The following MAP4 variants were observed in gnomAD, a reference collection of about 807,000 sequenced individuals.
MAP4 encodes microtubule associated protein 4.
MAP4 carries 76 observed loss-of-function variants against 170.2 expected under a neutral mutation model. The observed-to-expected ratio is 0.45, with a 90% CI of 0.37 to 0.54. The LOEUF (loss-of-function observed/expected upper bound fraction) is 0.54. MAP4 is among the 20% of genes least tolerant of loss of function. The pLI, the probability that MAP4 is intolerant of heterozygous loss-of-function variation, is 0.00. For missense variants in MAP4, 2,506 were observed against 2,748.0 expected (o/e 0.91, Z 1.97); for synonymous variants, 909 against 994.5 (o/e 0.91, Z 1.62).
At position 47,910,857 on chromosome 3, in the gene MAP4, C is replaced by G; in HGVS notation, c.3564G>C (p.Gln1188His). The change falls in exon 9 of 21, where the codon CAG (glutamine) becomes CAC (histidine). Residue 1188 changes from glutamine to histidine, a missense_variant. This residue lies in a region of MAP4 where 2,008 missense variants were observed against 2,206.0 expected (regional missense o/e 0.91). Transcript: ENST00000683076. Reference sequence around the variant, plus strand: ...TCCATGGACACCTTCCTTCCTTGCTCTGGTTATTGACACCCATATCTTTGA... The same window carrying G: ...TCCATGGACACCTTCCTTCCTTGCTGTGGTTATTGACACCCATATCTTTGA... ...DVVKDMGVNN[Q>H]SKEGRCPWKD... The G allele has an allele frequency of 6.5e-7, 1 of 1,536,148 alleles. No homozygotes were observed. The highest frequency in any genetic ancestry group is 8.7e-7 in the Non-Finnish European group (1 of 1,146,920).
intron 17 of MAP4, among the ~76,000 whole-genome samples, chr3:47,858,954 C>T (rs2061306093): frequency 6.6e-6 from 1 of 152,004 alleles, no homozygotes; most frequent in South Asian, 2.1e-4. Flanking sequence ...TGGTGAAACC[C>T]CGTCTCTACT....
At chr3:47,897,529 A>G (rs1054536297) in intron 10 of MAP4, among the ~76,000 whole-genome samples, 1 of 152,180 alleles carries the variant, frequency 6.6e-6, no homozygotes, top group African/African-American at 2.4e-5. Flanking sequence ...AATACACAGT[A>G]TGCATACACA....
intron 16 of MAP4, among the ~76,000 whole-genome samples, chr3:47,868,594 G>A (rs1226148582): frequency 6.6e-6 from 1 of 152,182 alleles, no homozygotes; most frequent in Non-Finnish European, 1.5e-5. Context: ...CACTCAGGAG[G>A]GGCCTGGTTT....
chr3:48,028,663 C>T (rs2154507708), intron 1 of MAP4, among the ~76,000 whole-genome samples: 1 of 151,438 alleles, frequency 6.6e-6, no homozygotes, highest in Middle Eastern at 3.4e-3. Flanking sequence ...GTCCCAATTA[C>T]TCAGGAGGCT....
At chr3:47,975,792 CTT>C (rs146740524) in intron 3 of MAP4, among the ~76,000 whole-genome samples, 8 of 142,968 alleles carry the variant, frequency 5.6e-5, no homozygotes, top group Admixed American at 1.4e-4. Context: ...AGTAAAGTAT[CTT>C]TTTTTTTTTT....
chr3:47,999,663 T>C (rs982506473), intron 1 of MAP4, among the ~76,000 whole-genome samples: 3 of 151,998 alleles, frequency 2.0e-5, no homozygotes, highest in African/African-American at 2.4e-5. Flanking sequence ...AACTTACGAA[T>C]ACAAAGAAAC....
intron 10 of MAP4, among the ~76,000 whole-genome samples, chr3:47,893,043 AACC>A (rs1352439626): frequency 4.6e-5 from 7 of 151,806 alleles, no homozygotes; most frequent in Non-Finnish European, 1.0e-4. Context: ...AAAAAAAAAA[AACC>A]ACACCTTAAC....
intron 2 of MAP4, among the ~76,000 whole-genome samples, chr3:47,985,793 T>C (rs1185498851): frequency 2.6e-5 from 4 of 152,176 alleles, no homozygotes; most frequent in African/African-American, 7.2e-5. Context: ...CCAGATTTAA[T>C]TGCAGACAAG....
chr3:48,063,298 G>A (rs745871002), intron 1 of MAP4, among the ~76,000 whole-genome samples: 10 of 151,732 alleles, frequency 6.6e-5, no homozygotes, highest in Non-Finnish European at 2.9e-5. Context: ...CCAGCAAGGT[G>A]AGCTGGAATC....
At chr3:47,974,376 G>T in intron 3 of MAP4, 3 of 734,900 alleles carry the variant, frequency 4.1e-6, no homozygotes, top group Admixed American at 6.3e-5. Flanking sequence ...AGTAAGCCAA[G>T]ATCGCGCCAC....
intron 10 of MAP4, among the ~76,000 whole-genome samples, chr3:47,880,571 C>A (rs935462866): frequency 1.3e-5 from 2 of 148,412 alleles, no homozygotes; most frequent in Admixed American, 6.8e-5. Flanking sequence ...GCTCAAGAGA[C>A]CCTAATGCCT....
chr3:47,944,287 G>A (rs926311793), intron 3 of MAP4, among the ~76,000 whole-genome samples: 16 of 152,182 alleles, frequency 1.1e-4, no homozygotes, highest in Middle Eastern at 3.4e-3. Flanking sequence ...TCCAGCCTGG[G>A]CGAGAGAGCA....
chr3:48,048,943 T>C (rs1158456939), intron 1 of MAP4, among the ~76,000 whole-genome samples: 1 of 152,178 alleles, frequency 6.6e-6, no homozygotes, highest in Non-Finnish European at 1.5e-5. Flanking sequence ...TACCCCCCTG[T>C]CCCCTGGCAA....
chr3:47,872,989 A>C (rs2093948749), intron 12 of MAP4, among the ~76,000 whole-genome samples: 3 of 152,232 alleles, frequency 2.0e-5, no homozygotes, highest in Non-Finnish European at 4.4e-5. Flanking sequence ...CAGAAGCGTG[A>C]GCTGTAGCCC....
At chr3:48,044,636 GC>G (rs761913511) in intron 1 of MAP4, among the ~76,000 whole-genome samples, 5 of 151,972 alleles carry the variant, frequency 3.3e-5, no homozygotes, top group Admixed American at 6.5e-5. Context: ...AGTGGCACAC[GC>G]CTGTAATCCC....
chr3:47,962,871 T>G (rs1044279833), intron 3 of MAP4, among the ~76,000 whole-genome samples: 1 of 152,194 alleles, frequency 6.6e-6, no homozygotes, highest in East Asian at 1.9e-4. Context: ...GAAATATTAA[T>G]TTGTTAAATA....
chr3:47,912,543 A>T, intron 8 of MAP4, 122 bp from the exon 9 acceptor site: 1 of 735,526 alleles, frequency 1.4e-6, no homozygotes. Context: ...TCACTAATAC[A>T]TATAGTACTT....
chr3:48,074,676 T>TTTTTTGTGTGTGTGTGTGTGTG (rs746281743), intron 1 of MAP4, among the ~76,000 whole-genome samples: 2 of 90,640 alleles, frequency 2.2e-5, no homozygotes, highest in African/African-American at 4.9e-5. Flanking sequence ...ATCCAGCTAA[T>TTTTTTGTGTGTGTGTGTGTGTG]TGTGTGTGTG....
intron 2 of MAP4, among the ~76,000 whole-genome samples, chr3:47,981,759 C>CAT (rs929856541): frequency 9.4e-5 from 14 of 149,126 alleles, no homozygotes; most frequent in Admixed American, 1.3e-4. Context: ...AGCAAGACTC[C>CAT]ATCTCCCAAA....
Sources: gnomAD v4.1 joint callset for allele counts (sites outside exome capture counted in the v4.1 genomes callset) on GRCh38, gnomAD v4.1.1 for gene constraint, gnomAD v4.1.1 regional missense constraint, MANE v1.5 for transcripts, NCBI Gene and HGNC (gene_info 2026-07-23, HGNC 2026-07-21) for gene names.